SUPT3H: variants seen among roughly 807,000 people sequenced by gnomAD.
The protein encoded by SUPT3H is transcription initiation protein SPT3 homolog.
SUPT3H carries 44 observed loss-of-function variants against 44.3 expected under a neutral mutation model. That is an observed-to-expected ratio of 0.99 (90% CI 0.78 to 1.28). SUPT3H has a LOEUF of 1.28. SUPT3H is among the 50% of genes most tolerant of loss of function. SUPT3H has a pLI of 0.00. For missense variants in SUPT3H, 380 were observed against 387.1 expected (o/e 0.98, Z 0.15); for synonymous variants, 124 against 125.6 (o/e 0.99, Z 0.09).
Position 44,829,682 on chromosome 6 carries a change from G to A in SUPT3H, c.*134C>T. 4 of 963,428 alleles carry A rather than the reference G, an allele frequency of 4.2e-6. No individual in the cohort carries two copies. In the East Asian group the frequency reaches 1.0e-4, roughly 24 times the overall value. The allele number at this position is 963,428 out of a possible 1,614,324, so 59.7% of individuals were successfully genotyped here. ...GCTGGAAAAGAGGAGGAGTCAGCAA[G>A]TTGAAAGTCACAACAGACCAGCCCA... is the stretch of plus-strand genomic sequence containing the variant. On this transcript the variant is annotated 3_prime_UTR_variant, in exon 11 of 11. Transcript: ENST00000371459.
chr6:44,859,827 A>C (rs1387476577), intron 10 of SUPT3H, among the ~76,000 whole-genome samples: 2 of 152,190 alleles, frequency 1.3e-5, no homozygotes, highest in African/African-American at 4.8e-5. Context: ...TTTATAACTT[A>C]ACCCCATTTC....
chr6:44,822,846 G>A (rs1229143510), downstream of SUPT3H, among the ~76,000 whole-genome samples: 3 of 151,526 alleles, frequency 2.0e-5, no homozygotes, highest in Non-Finnish European at 4.4e-5. Context: ...GGCTGGGCAC[G>A]GTGGCTCACA....
intron 2 of SUPT3H, among the ~76,000 whole-genome samples, chr6:45,247,361 G>A (rs926205461): frequency 1.6e-4 from 25 of 152,068 alleles, no homozygotes; most frequent in African/African-American, 6.0e-4. Flanking sequence ...TGGTTATTTT[G>A]CCTGTTTTGG....
At chr6:45,039,640 C>G (rs532487696) in intron 3 of SUPT3H, among the ~76,000 whole-genome samples, 1 of 151,784 alleles carries the variant, frequency 6.6e-6, no homozygotes, top group Non-Finnish European at 1.5e-5. Flanking sequence ...TTTAGCTGGG[C>G]GTGGTGTTGG....
Position 45,158,229 on chromosome 6 carries a change from T to C in SUPT3H, c.102-52223A>G, listed in dbSNP as rs866034448. On this transcript the variant is annotated intron_variant, in intron 2 of 10. Coordinates refer to ENST00000371459, the MANE Select transcript of SUPT3H (RefSeq NM_003599.4). ...ATAGATAGATAGATAGATAGATAGA[T>C]AGATAGATAGATAGATAATGCCTAT... is the stretch of plus-strand genomic sequence containing the variant. Among the ~76,000 whole-genome samples the C allele has an allele frequency of 5.2e-3, 685 of 132,030 alleles. 12 individuals carry two copies. Among genetic ancestry groups the C allele is most frequent in the African/African-American group, 0.021 (654 of 30,464 alleles). 86.6% of individuals were successfully genotyped at this position (132,030 alleles called of 152,430 possible).
chr6:45,039,417 C>T (rs1351589689), intron 3 of SUPT3H, among the ~76,000 whole-genome samples: 1 of 152,024 alleles, frequency 6.6e-6, no homozygotes, highest in African/African-American at 2.4e-5. Context: ...AAAAAAACTG[C>T]TAGGATTGAT....
At chr6:45,002,248 C>A (rs1782102258) in intron 6 of SUPT3H, among the ~76,000 whole-genome samples, 1 of 151,994 alleles carries the variant, frequency 6.6e-6, no homozygotes, top group Non-Finnish European at 1.5e-5. Context: ...CTTTAGTACC[C>A]TGCTGACCCC....
chr6:45,080,016 A>G (rs1413212958), intron 3 of SUPT3H, among the ~76,000 whole-genome samples: 1 of 152,196 alleles, frequency 6.6e-6, no homozygotes, highest in African/African-American at 2.4e-5. Context: ...GAGACAACCC[A>G]CAAAATGGGA....
In SUPT3H at chr6:45,163,170, A is replaced by G. The variant is rs533079523; in HGVS notation, c.102-57164T>C. 2.6e-5 allele frequency among the ~76,000 whole-genome samples: 4 copies of G among 152,322 alleles called. No homozygotes were observed. The South Asian group carries it at 8.3e-4, about 32-fold the overall frequency. On this transcript the variant is annotated intron_variant, in intron 2 of 10. Transcript: ENST00000371459. Reference sequence around the variant, plus strand: ...AGACTTTCTAGGTGAACTGCAGATAACTGGAAACAACTTAAAAAGCTTTGC... The same window carrying G: ...AGACTTTCTAGGTGAACTGCAGATAGCTGGAAACAACTTAAAAAGCTTTGC...
intron 10 of SUPT3H, among the ~76,000 whole-genome samples, chr6:44,909,441 C>T (rs1171792754): frequency 6.6e-6 from 1 of 152,064 alleles, no homozygotes; most frequent in Non-Finnish European, 1.5e-5. Flanking sequence ...GTCCTTTCCC[C>T]AACCTCTGAT....
intron 2 of SUPT3H, among the ~76,000 whole-genome samples, chr6:45,318,992 T>C (rs1484867768): frequency 3.3e-5 from 5 of 152,120 alleles, no homozygotes. Context: ...TCCCAGTCTT[T>C]CATAAAAAAG....
intron 3 of SUPT3H, among the ~76,000 whole-genome samples, chr6:45,088,671 CA>C (rs1008280651): frequency 1.3e-5 from 2 of 151,870 alleles, no homozygotes; most frequent in African/African-American, 4.8e-5. Context: ...GTGGGTTTTG[CA>C]AAAGTAATCA....
intron 2 of SUPT3H, among the ~76,000 whole-genome samples, chr6:45,216,551 C>T (rs371613668): frequency 2.0e-5 from 3 of 152,168 alleles, no homozygotes. Flanking sequence ...ACACTACCTA[C>T]AAGAAGCTCA....
At chr6:44,846,002 C>T (rs971522950) in intron 10 of SUPT3H, among the ~76,000 whole-genome samples, 1 of 152,166 alleles carries the variant, frequency 6.6e-6, no homozygotes, top group Non-Finnish European at 1.5e-5. Flanking sequence ...CACCCTGTAA[C>T]ACACGCCCAC....
intron 2 of SUPT3H, among the ~76,000 whole-genome samples, chr6:45,297,411 T>C (rs966223366): frequency 1.3e-5 from 2 of 152,220 alleles, no homozygotes; most frequent in Admixed American, 6.5e-5. Context: ...GATCACTGTC[T>C]TTTTTGTACT....
chr6:45,317,885 C>A (rs1489658240), intron 2 of SUPT3H, among the ~76,000 whole-genome samples: 1 of 152,028 alleles, frequency 6.6e-6, no homozygotes, highest in South Asian at 2.1e-4. Flanking sequence ...AGAAAACAAT[C>A]AACAGAGTAA....
chr6:45,171,862 C>A (rs542850871), intron 2 of SUPT3H, among the ~76,000 whole-genome samples: 6 of 151,094 alleles, frequency 4.0e-5, no homozygotes, highest in African/African-American at 1.5e-4. Context: ...GGACTAAAGG[C>A]ATGCAACACC....
chr6:44,852,461 A>G (rs1773047055), intron 10 of SUPT3H, among the ~76,000 whole-genome samples: 1 of 151,980 alleles, frequency 6.6e-6, no homozygotes, highest in African/African-American at 2.4e-5. Flanking sequence ...TTTTTACTTA[A>G]CCTCTTCTGG....
chr6:45,183,823 C>T (rs938245398), intron 2 of SUPT3H, among the ~76,000 whole-genome samples: 3 of 152,094 alleles, frequency 2.0e-5, no homozygotes, highest in Middle Eastern at 3.2e-3. Flanking sequence ...AGAAGCCAAT[C>T]TGAAAAGGAT....
Sources: allele counts gnomAD v4.1 joint callset (sites outside exome capture counted in the v4.1 genomes callset), GRCh38; gene constraint gnomAD v4.1.1; transcripts MANE v1.5; gene names NCBI Gene and HGNC (gene_info 2026-07-23, HGNC 2026-07-21).